The following SERPINI1 variants were observed in gnomAD, a reference collection of about 807,000 sequenced individuals.
The protein encoded by SERPINI1 is serpin family I member 1.
A neutral mutation model predicts 41.1 loss-of-function variants in SERPINI1; 19 were observed. The ratio of observed to expected loss-of-function variants is 0.46; its 90% CI spans 0.32 to 0.68. The LOEUF is 0.68. Among genes scored for constraint, SERPINI1 ranks in the 30% least tolerant of loss-of-function variants. The pLI is 0.03. For synonymous variants in SERPINI1, 138 were observed against 156.6 expected, an observed-to-expected ratio of 0.88 and a Z score of 0.89; for missense variants, 460 against 479.2, an observed-to-expected ratio of 0.96 and a Z score of 0.37.
intron 6 of SERPINI1, among the ~76,000 whole-genome samples, chr3:167,813,214 A>G (rs1002743417): frequency 6.6e-6 from 1 of 152,158 alleles, no homozygotes; most frequent in South Asian, 2.1e-4. Context: ...CAATTCTTCT[A>G]CTTTCTTGCC....
In SERPINI1 at chr3:167,790,545, A is replaced by G. The variant is rs1560009229; in HGVS notation, c.424A>G (p.Ser142Gly). Reference sequence around the variant, plus strand: ...TGCAGCAGTAAATCATGTGGACTTCAGTCAAAATGTAGCCGTGGCCAACTA... The same window carrying G: ...TGCAGCAGTAAATCATGTGGACTTCGGTCAAAATGTAGCCGTGGCCAACTA... ...FNAAVNHVDF[S>G]QNVAVANYIN... The change falls in exon 3 of 9, where the codon AGT becomes GGT. Residue 142 changes from serine to glycine, a missense_variant. By Grantham distance (56) the Ser-to-Gly change is moderately conservative. Transcript: ENST00000446050. 5 of 1,614,026 alleles carry G rather than the reference A, an allele frequency of 3.1e-6. No homozygotes were observed. The highest frequency in any genetic ancestry group is 4.2e-6 in the Non-Finnish European group (5 of 1,179,914).
At chr3:167,777,477 T>A (rs1044324507) in intron 1 of SERPINI1, among the ~76,000 whole-genome samples, 1 of 152,184 alleles carries the variant, frequency 6.6e-6, no homozygotes, top group African/African-American at 2.4e-5. Context: ...ATTGTAGTTG[T>A]GAAATATTCT....
At chr3:167,804,863 C>T (rs1711572912) in intron 5 of SERPINI1, among the ~76,000 whole-genome samples, 1 of 151,994 alleles carries the variant, frequency 6.6e-6, no homozygotes, top group African/African-American at 2.4e-5. Flanking sequence ...AAATATGTTA[C>T]ATGATGCAGG....
At chr3:167,773,306 A>G (rs1179967233) in intron 1 of SERPINI1, among the ~76,000 whole-genome samples, 1 of 152,094 alleles carries the variant, frequency 6.6e-6, no homozygotes, top group Admixed American at 6.6e-5. Flanking sequence ...GGACTGTTAA[A>G]CTTGGATTTG....
At chr3:167,752,860 T>C (rs1395981077) in intron 1 of SERPINI1, among the ~76,000 whole-genome samples, 3 of 152,134 alleles carry the variant, frequency 2.0e-5, no homozygotes, top group African/African-American at 7.2e-5. Flanking sequence ...TTAACTCTTA[T>C]TTATCCTCAT....
At chr3:167,772,793 A>G (rs1182735535) in intron 1 of SERPINI1, among the ~76,000 whole-genome samples, 1 of 134,134 alleles carries the variant, frequency 7.5e-6, no homozygotes, top group African/African-American at 2.8e-5. Flanking sequence ...TTGAATAGCC[A>G]TTGTATTCCA....
At chr3:167,759,400 G>GCATATATATATATATA (rs1553771738) in intron 1 of SERPINI1, among the ~76,000 whole-genome samples, 1 of 121,158 alleles carries the variant, frequency 8.3e-6, no homozygotes, top group African/African-American at 3.0e-5. Flanking sequence ...AGAAAATGTG[G>GCATATATATATATATA]TATATATATA....
chr3:167,779,720 C>T (rs1727062760), intron 1 of SERPINI1, among the ~76,000 whole-genome samples: 1 of 151,930 alleles, frequency 6.6e-6, no homozygotes, highest in Non-Finnish European at 1.5e-5. Context: ...ATGGTTATGC[C>T]CTTTTGATGT....
intron 1 of SERPINI1, among the ~76,000 whole-genome samples, chr3:167,758,951 C>G (rs74928868): frequency 8.7e-4 from 132 of 152,200 alleles, no homozygotes; most frequent in Admixed American, 2.7e-3. Context: ...ATAACACTCT[C>G]TTATATTTGA....
intron 1 of SERPINI1, among the ~76,000 whole-genome samples, chr3:167,784,623 G>A (rs1438817795): frequency 1.3e-5 from 2 of 152,160 alleles, no homozygotes; most frequent in African/African-American, 4.8e-5. Flanking sequence ...TTCACAGGGT[G>A]GCAGGATGGA....
Position 167,753,859 on chromosome 3 carries a change from T to C in SERPINI1, c.-19+18036T>C, listed in dbSNP as rs570059323. On this transcript the variant is annotated intron_variant, in intron 1 of 8. Coordinates refer to ENST00000446050, the MANE Select transcript of SERPINI1 (RefSeq NM_001122752.2). The stretch of plus-strand genomic sequence containing the variant: ...TAAAAAAGGAACTGTGAAATAATTA[T>C]ATAGTGATGCTACTGTCTCTCTTCT... 1.2e-4 allele frequency among the ~76,000 whole-genome samples: 19 copies of C among 152,356 alleles called. No individual in the cohort carries two copies. The East Asian group carries it at 3.7e-3, about 29-fold the overall frequency.
chr3:167,745,642 G>A (rs1179908542), intron 1 of SERPINI1, among the ~76,000 whole-genome samples: 1 of 151,938 alleles, frequency 6.6e-6, no homozygotes, highest in Non-Finnish European at 1.5e-5. Flanking sequence ...CATATGAATT[G>A]GTCTTGTATA....
chr3:167,793,596 A>ATATATATATATAT, intron 4 of SERPINI1, among the ~76,000 whole-genome samples: 28 of 140,608 alleles, frequency 2.0e-4, no homozygotes, highest in Admixed American at 1.6e-3. Context: ...ATATATATAT[A>ATATATATATATAT]TTTTTAATTA....
At chr3:167,769,119 G>C (rs1031332238) in intron 1 of SERPINI1, among the ~76,000 whole-genome samples, 2 of 151,988 alleles carry the variant, frequency 1.3e-5, no homozygotes, top group Admixed American at 6.6e-5. Context: ...TCAGCCTCCC[G>C]AGTAGCTGGG....
At chr3:167,802,358 A>G (rs1727927575) in intron 5 of SERPINI1, among the ~76,000 whole-genome samples, 1 of 150,970 alleles carries the variant, frequency 6.6e-6, no homozygotes, top group South Asian at 2.1e-4. Context: ...AATGGGAGAA[A>G]ATTTTTGCAA....
intron 1 of SERPINI1, among the ~76,000 whole-genome samples, chr3:167,768,513 G>A (rs1726636878): frequency 1.3e-5 from 2 of 152,134 alleles, no homozygotes; most frequent in Non-Finnish European, 2.9e-5. Context: ...GAAGAAGACT[G>A]AAAAATCTGA....
intron 1 of SERPINI1, among the ~76,000 whole-genome samples, chr3:167,756,472 T>C (rs1324422073): frequency 1.3e-5 from 2 of 151,912 alleles, no homozygotes; most frequent in East Asian, 3.9e-4. Flanking sequence ...TTTGTTTTTG[T>C]TTTTGTTTTT....
rs76156315 is a variant in SERPINI1, at chr3:167,782,278, C to T, written c.-18-6833C>T. On this transcript the variant is annotated intron_variant, in intron 1 of 8. Coordinates refer to ENST00000446050, the MANE Select transcript of SERPINI1 (RefSeq NM_001122752.2). ...TGTAATATTTTGGTACCACCTTCTG[C>T]GATTGTTCAAGGTAGTGTACTTGTT... Among the ~76,000 whole-genome samples the T allele has an allele frequency of 2.6e-3, 397 of 152,176 alleles. 3 individuals carry two copies. Among genetic ancestry groups the T allele is most frequent in the African/African-American group, 9.4e-3 (389 of 41,540 alleles).
chr3:167,811,493 C>T (rs2420041), intron 6 of SERPINI1, among the ~76,000 whole-genome samples: 122,437 of 151,270 alleles, frequency 0.81, 49,768 homozygotes, highest in East Asian at 0.95. Flanking sequence ...AATGAAAAGA[C>T]ATAGAACAAT....
Sources: allele counts gnomAD v4.1 joint callset (sites outside exome capture counted in the v4.1 genomes callset), GRCh38; gene constraint gnomAD v4.1.1; transcripts MANE v1.5; gene names NCBI Gene and HGNC (gene_info 2026-07-23, HGNC 2026-07-21).